Variants in WDPCP observed in about 807,000 individuals in gnomAD.
WDPCP encodes WD repeat-containing and planar cell polarity effector protein fritz homolog.
WDPCP carries 71 observed loss-of-function variants against 93.1 expected under a neutral mutation model. That is an observed-to-expected ratio of 0.76 (90% confidence interval 0.63 to 0.93). The LOEUF (loss-of-function observed/expected upper bound fraction) is 0.93. Among genes scored for constraint, WDPCP ranks in the 40% least tolerant of loss-of-function variants. The pLI is 0.00. For missense variants in WDPCP, 844 were observed against 887.4 expected (o/e 0.95, Z 0.62); for synonymous variants, 315 against 315.0 (o/e 1.00, Z 0.00).
chr2:63,433,724 A>T, intron 9 of WDPCP, 21 bp downstream of exon 9: 1 of 1,584,082 alleles, frequency 6.3e-7, no homozygotes, highest in Non-Finnish European at 8.7e-7. Context: ...ATTAAAATGT[A>T]CATATTTGTT....
intron 2 of WDPCP, chr2:63,752,076 C>G: frequency 1.6e-6 from 1 of 609,412 alleles, no homozygotes; most frequent in South Asian, 1.6e-5. Context: ...AAGCACTATC[C>G]ACCTCTTGTT....
At chr2:63,445,806 C>CT (rs138687933) in intron 6 of WDPCP, among the ~76,000 whole-genome samples, 13 of 151,918 alleles carry the variant, frequency 8.6e-5, no homozygotes, top group East Asian at 1.9e-4. Context: ...TCAGATAACA[C>CT]TTTTTTTTGT....
chr2:63,530,035 C>T (rs1424586331), intron 1 of WDPCP, among the ~76,000 whole-genome samples: 1 of 152,086 alleles, frequency 6.6e-6, no homozygotes, highest in African/African-American at 2.4e-5. Flanking sequence ...TCTGTGGGAT[C>T]GGTGGTGATA....
In WDPCP at chr2:63,485,091, C is replaced by T. The variant is rs905521662; in HGVS notation, c.254-104G>A. ...GATTAAAATAAAACACCTCTATAATCGAGAGGAAGTGGGCTTCATTTCCAT... is the reference window on the plus strand; with the variant it reads ...GATTAAAATAAAACACCTCTATAATTGAGAGGAAGTGGGCTTCATTTCCAT... On this transcript the variant is annotated intron_variant, in intron 4 of 17. Transcript: ENST00000272321. 56 of 1,192,786 alleles carry T rather than the reference C, an allele frequency of 4.7e-5. No homozygotes were observed. The African/African-American group carries it at 7.3e-4, about 16-fold the overall frequency. 73.9% of individuals were successfully genotyped at this position (1,192,786 alleles called of 1,614,324 possible).
chr2:63,739,082 A>G (rs1305746390), intron 2 of WDPCP, among the ~76,000 whole-genome samples: 1 of 152,138 alleles, frequency 6.6e-6, no homozygotes, highest in East Asian at 1.9e-4. Context: ...GGTTTGTTAT[A>G]TAGGTAAATA....
At chr2:63,151,329 A>T (rs1671873516) in intron 17 of WDPCP, among the ~76,000 whole-genome samples, 1 of 152,060 alleles carries the variant, frequency 6.6e-6, no homozygotes, top group African/African-American at 2.4e-5. Context: ...GGCTCAAGTG[A>T]TCTTCCCACC....
intron 2 of WDPCP, among the ~76,000 whole-genome samples, chr2:63,800,077 T>G (rs1362740209): frequency 6.6e-6 from 1 of 152,230 alleles, no homozygotes. Context: ...ATATTATTAT[T>G]CCCTGAAATC....
chr2:63,228,773 T>A (rs1678551222), intron 14 of WDPCP: 1 of 152,162 alleles, frequency 6.6e-6, no homozygotes, highest in African/African-American at 2.4e-5. Context: ...CATCCTTTTT[T>A]ATGGCTGCAT....
At chr2:63,822,199 G>T (rs1671035644) in intron 1 of WDPCP, among the ~76,000 whole-genome samples, 1 of 151,874 alleles carries the variant, frequency 6.6e-6, no homozygotes, top group Non-Finnish European at 1.5e-5. Context: ...TTTTAAAATA[G>T]AATTTGAGAC....
chr2:63,521,457 A>C (rs1341516660), intron 1 of WDPCP, among the ~76,000 whole-genome samples: 1 of 152,166 alleles, frequency 6.6e-6, no homozygotes, highest in African/African-American at 2.4e-5. Flanking sequence ...AAAAAAGACA[A>C]AGAAGGGCAT....
At chr2:63,747,410 G>A (rs1003790689) in intron 2 of WDPCP, among the ~76,000 whole-genome samples, 5 of 151,766 alleles carry the variant, frequency 3.3e-5, no homozygotes, top group South Asian at 4.2e-4. Flanking sequence ...TAAAGGCTTT[G>A]GTTTTGCCTT....
At chr2:63,779,586 A>G (rs970898441) in intron 2 of WDPCP, among the ~76,000 whole-genome samples, 2 of 152,106 alleles carry the variant, frequency 1.3e-5, no homozygotes, top group Non-Finnish European at 2.9e-5. Context: ...TTTGGTGGGG[A>G]GGGGTGCCCA....
chr2:63,262,113 G>T (rs886818298), intron 13 of WDPCP, among the ~76,000 whole-genome samples: 1 of 152,114 alleles, frequency 6.6e-6, no homozygotes, highest in Non-Finnish European at 1.5e-5. Flanking sequence ...ATGCTCTTAA[G>T]AATAGTCTGT....
At chr2:63,488,809 A>G (rs1254102145) in intron 2 of WDPCP, among the ~76,000 whole-genome samples, 1 of 152,036 alleles carries the variant, frequency 6.6e-6, no homozygotes. Flanking sequence ...TAACTCTAGA[A>G]TAGAACTATG....
intron 9 of WDPCP, 77 bp from the exon 10 acceptor site, chr2:63,404,734 T>C: frequency 6.4e-7 from 1 of 1,561,916 alleles, no homozygotes; most frequent in Non-Finnish European, 8.7e-7. Flanking sequence ...TGCATATTTA[T>C]TCAGAAACCT....
chr2:63,609,427 G>A (rs972586318), intron 3 of WDPCP, among the ~76,000 whole-genome samples: 5 of 152,032 alleles, frequency 3.3e-5, no homozygotes, highest in Non-Finnish European at 5.9e-5. Flanking sequence ...AGGGGGACTG[G>A]ATGGCAGAAG....
At chr2:63,681,397 A>G (rs761637227) in intron 2 of WDPCP, among the ~76,000 whole-genome samples, 7 of 152,128 alleles carry the variant, frequency 4.6e-5, no homozygotes, top group Non-Finnish European at 8.8e-5. Context: ...TATTGGTGGT[A>G]GTCTGGTAGT....
chr2:63,626,940 G>A (rs1709816670), intron 3 of WDPCP, among the ~76,000 whole-genome samples: 1 of 150,566 alleles, frequency 6.6e-6, no homozygotes, highest in African/African-American at 2.5e-5. Flanking sequence ...AAACCTGCAC[G>A]TTCTGCACAT....
chr2:63,566,290 T>G (rs1707050643), intron 1 of WDPCP, among the ~76,000 whole-genome samples: 1 of 152,232 alleles, frequency 6.6e-6, no homozygotes, highest in Non-Finnish European at 1.5e-5. Flanking sequence ...CTGATTTGCG[T>G]CCTTTGGAAA....
Sources: gnomAD v4.1 joint callset for allele counts (sites outside exome capture counted in the v4.1 genomes callset) on GRCh38, gnomAD v4.1.1 for gene constraint, MANE v1.5 for transcripts, NCBI Gene and HGNC (gene_info 2026-07-23, HGNC 2026-07-21) for gene names.